The following CAPS2 variants were observed in gnomAD, a reference collection of about 807,000 sequenced individuals.
The protein encoded by CAPS2 is calcyphosine 2, also known as calcyphosin-2.
In CAPS2, 98 loss-of-function variants were observed where a neutral mutation model predicts 86.5. That is an observed-to-expected ratio of 1.13 (90% CI 0.96 to 1.34). The LOEUF is 1.34. Ranked by LOEUF, CAPS2 falls within the 40% of genes most tolerant of loss-of-function variation. The pLI is 0.00. For missense variants in CAPS2, 729 were observed against 686.8 expected, an observed-to-expected ratio of 1.06 and a Z score of -0.69; for synonymous variants, 210 against 225.1, an observed-to-expected ratio of 0.93 and a Z score of 0.60.
chr12:75,375,552 T>C (rs2044606900), intron 1 of CAPS2, among the ~76,000 whole-genome samples: 1 of 151,920 alleles, frequency 6.6e-6, no homozygotes, highest in Non-Finnish European at 1.5e-5. Flanking sequence ...ATTCAAGGAG[T>C]TCTGCGTCTG....
At chr12:75,372,968 C>T (rs1412498661) in intron 1 of CAPS2, among the ~76,000 whole-genome samples, 1 of 152,210 alleles carries the variant, frequency 6.6e-6, no homozygotes, top group Non-Finnish European at 1.5e-5. Context: ...AACCCAGATC[C>T]AGAGTACATG....
chr12:75,353,142 G>C (rs1477244820), intron 1 of CAPS2, among the ~76,000 whole-genome samples: 1 of 151,940 alleles, frequency 6.6e-6, no homozygotes, highest in Non-Finnish European at 1.5e-5. Context: ...AAAAAGCCAA[G>C]ATCAGAGTGA....
chr12:75,312,709 C>T (rs957776239), intron 7 of CAPS2, 139 bp downstream of exon 7: 15 of 537,396 alleles, frequency 2.8e-5, no homozygotes, highest in East Asian at 8.8e-5. Flanking sequence ...AAAACACTAA[C>T]GGTGCAGTAA....
chr12:75,282,822 C>T (rs929720051), intron 15 of CAPS2, among the ~76,000 whole-genome samples: 1 of 152,080 alleles, frequency 6.6e-6, no homozygotes, highest in African/African-American at 2.4e-5. Context: ...ATTATAAATA[C>T]AGGAGGAAAG....
At chr12:75,327,338 T>C (rs1454832319), upstream of CAPS2, among the ~76,000 whole-genome samples, 3 of 152,056 alleles carry the variant, frequency 2.0e-5, no homozygotes, top group Non-Finnish European at 2.9e-5. Flanking sequence ...TAAAATGGAG[T>C]AAATGGTCCA....
intron 11 of CAPS2, among the ~76,000 whole-genome samples, chr12:75,297,932 G>A (rs895738336): frequency 1.3e-5 from 2 of 151,964 alleles, no homozygotes; most frequent in Non-Finnish European, 2.9e-5. Context: ...ACAAAACTAG[G>A]CCATCACCCC....
intron 1 of CAPS2, among the ~76,000 whole-genome samples, chr12:75,349,969 G>A (rs1301294755): frequency 6.6e-6 from 1 of 152,240 alleles, no homozygotes; most frequent in Non-Finnish European, 1.5e-5. Context: ...GGGCAGGCTG[G>A]AGACTGCCTA....
At chr12:75,375,647 G>T (rs2044610846) in intron 1 of CAPS2, among the ~76,000 whole-genome samples, 1 of 152,184 alleles carries the variant, frequency 6.6e-6, no homozygotes, top group Non-Finnish European at 1.5e-5. Flanking sequence ...CACTCGACCT[G>T]AAAGTTTTCT....
At chr12:75,291,258 T>G (rs2035803058) in intron 13 of CAPS2, among the ~76,000 whole-genome samples, 1 of 151,684 alleles carries the variant, frequency 6.6e-6, no homozygotes, top group African/African-American at 2.4e-5. Flanking sequence ...AGCTTTTTTT[T>G]CTTTTACACT....
upstream of CAPS2, among the ~76,000 whole-genome samples, chr12:75,332,501 G>GA (rs1487455533): frequency 6.6e-6 from 1 of 152,082 alleles, no homozygotes; most frequent in African/African-American, 2.4e-5. Context: ...CCCAGTGTTA[G>GA]AAAAAGTGAA....
chr12:75,367,725 G>A (rs903852946), intron 1 of CAPS2, among the ~76,000 whole-genome samples: 2 of 151,930 alleles, frequency 1.3e-5, no homozygotes, highest in Non-Finnish European at 2.9e-5. Flanking sequence ...TTTATATGAT[G>A]ACAAATCATG....
chr12:75,276,345 A>G (rs1166136614), downstream of CAPS2: 15 of 1,462,258 alleles, frequency 1.0e-5, 1 homozygote, highest in Non-Finnish European at 1.3e-5. Context: ...TGCAGTAAAC[A>G]TAGCCTAATG....
At chr12:75,296,258 A>C (rs955050361) in intron 11 of CAPS2, among the ~76,000 whole-genome samples, 4 of 152,016 alleles carry the variant, frequency 2.6e-5, no homozygotes, top group Non-Finnish European at 4.4e-5. Flanking sequence ...GTGTCAGTGC[A>C]TATATGCGTG....
intron 14 of CAPS2, among the ~76,000 whole-genome samples, chr12:75,288,168 GTTA>G (rs2035232681): frequency 1.3e-5 from 2 of 152,116 alleles, no homozygotes; most frequent in Admixed American, 1.3e-4. Flanking sequence ...TTGCTGTTTT[GTTA>G]TTGTTGTTGT....
Position 75,321,577 on chromosome 12 carries a change from C to T in CAPS2, c.292-1G>A, listed in dbSNP as rs2139000485. The T allele has an allele frequency of 6.5e-7, 1 of 1,527,678 alleles. No individual in the cohort carries two copies. The highest frequency in any genetic ancestry group is 1.2e-5 in the South Asian group (1 of 80,498). 94.6% of individuals were successfully genotyped at this position (1,527,678 alleles called of 1,614,324 possible). On this transcript the variant is annotated splice_acceptor_variant, in intron 4 of 16. Transcript: ENST00000393284. LOFTEE classifies it high-confidence loss of function. ...AATTTTCAGGTATTATGTTCTGATC[C>T]TATAGGTAAAAAGAAAAAAGCATGC...
At chr12:75,331,528 G>A (rs1248472484), upstream of CAPS2, among the ~76,000 whole-genome samples, 4 of 151,154 alleles carry the variant, frequency 2.6e-5, no homozygotes, top group East Asian at 5.8e-4. Flanking sequence ...ATAAATAGCA[G>A]AAAACACACA....
chr12:75,374,908 T>A (rs562622601), intron 1 of CAPS2, among the ~76,000 whole-genome samples: 1 of 152,194 alleles, frequency 6.6e-6, no homozygotes, highest in African/African-American at 2.4e-5. Flanking sequence ...AAGCCTAGGA[T>A]AATTCACTGT....
intron 1 of CAPS2, chr12:75,344,045 C>T: frequency 1.1e-6 from 1 of 902,148 alleles, no homozygotes; most frequent in South Asian, 1.8e-5. Flanking sequence ...GCTGCCTTTA[C>T]ATTTTTTCCT....
intron 7 of CAPS2, among the ~76,000 whole-genome samples, chr12:75,309,703 A>G (rs1273132924): frequency 6.6e-6 from 1 of 152,244 alleles, no homozygotes; most frequent in Non-Finnish European, 1.5e-5. Flanking sequence ...AGTCATCTCT[A>G]CCATATACTG....
Sources: allele counts gnomAD v4.1 joint callset (sites outside exome capture counted in the v4.1 genomes callset), GRCh38; gene constraint gnomAD v4.1.1; transcripts MANE v1.5; gene names NCBI Gene and HGNC (gene_info 2026-07-23, HGNC 2026-07-21).